PARN: variants seen among roughly 807,000 people sequenced by gnomAD.
The protein encoded by PARN is poly(A)-specific ribonuclease PARN.
In PARN, 71 loss-of-function variants were observed where a neutral mutation model predicts 102.8. The ratio of observed to expected loss-of-function variants is 0.69; its 90% confidence interval spans 0.57 to 0.84. PARN has a LOEUF of 0.84. Ranked by LOEUF, PARN falls within the 40% of genes least tolerant of loss-of-function variation. The pLI, the probability that PARN is intolerant of heterozygous loss-of-function variation, is 0.00. For missense variants in PARN, 782 were observed against 760.9 expected, an observed-to-expected ratio of 1.03 and a Z score of -0.33; for synonymous variants, 261 against 252.9, an observed-to-expected ratio of 1.03 and a Z score of -0.30.
At chr16:14,599,556 G>C (rs1002211967) in intron 12 of PARN, among the ~76,000 whole-genome samples, 2 of 152,114 alleles carry the variant, frequency 1.3e-5, no homozygotes, top group African/African-American at 4.8e-5. Context: ...AACACCTTCA[G>C]TCAAATATCT....
At chr16:14,606,557 A>G (rs749755100) in intron 9 of PARN, 31 bp from the exon 10 acceptor site, 2 of 1,281,398 alleles carry the variant, frequency 1.6e-6, no homozygotes, top group South Asian at 1.3e-5. Flanking sequence ...GTATCAGTAG[A>G]TGAGTCAATG....
chr16:14,579,118 C>G (rs1285359879), intron 18 of PARN, among the ~76,000 whole-genome samples: 1 of 152,040 alleles, frequency 6.6e-6, no homozygotes, highest in African/African-American at 2.4e-5. Flanking sequence ...TCCCGAGTAG[C>G]TGGGAATACA....
chr16:14,553,474 T>C (rs1224029114), intron 20 of PARN, among the ~76,000 whole-genome samples: 1 of 152,228 alleles, frequency 6.6e-6, no homozygotes, highest in Non-Finnish European at 1.5e-5. Context: ...TTTGTGGCCT[T>C]CACTTTATCC....
intron 22 of PARN, among the ~76,000 whole-genome samples, chr16:14,451,026 A>G (rs1012896148): frequency 6.6e-6 from 1 of 152,230 alleles, no homozygotes; most frequent in African/African-American, 2.4e-5. Context: ...CACAGCATCC[A>G]GGATCCTCTA....
At position 14,546,013 on chromosome 16, in the gene PARN, A is replaced by G. The variant is rs376170267; in HGVS notation, c.1480+6008T>C. ...AGACAATATCAAACAATACAGAGAA[A>G]CGAACACAGCCAAAAGCGTTCTTGA... On this transcript the variant is annotated intron_variant, in intron 21 of 23. Coordinates refer to ENST00000437198, the MANE Select transcript of PARN (RefSeq NM_002582.4). Among the ~76,000 whole-genome samples the G allele has an allele frequency of 6.6e-5, 10 of 152,342 alleles. 1 individual carries two copies. In the East Asian group the frequency reaches 1.9e-3, roughly 29 times the overall value.
At chr16:14,553,256 T>TAAAAAA (rs58411352) in intron 20 of PARN, among the ~76,000 whole-genome samples, 2 of 117,464 alleles carry the variant, frequency 1.7e-5, no homozygotes, top group African/African-American at 6.7e-5. Context: ...TATTTCTATT[T>TAAAAAA]AAAAAAAAAA....
chr16:14,561,501 GAT>G (rs1488958554), intron 18 of PARN, among the ~76,000 whole-genome samples: 1 of 152,220 alleles, frequency 6.6e-6, no homozygotes, highest in Non-Finnish European at 1.5e-5. Flanking sequence ...TTCTCCAAAA[GAT>G]ATTAGTCTTA....
chr16:14,438,451 G>GGGGT (rs1555475684), intron 23 of PARN, among the ~76,000 whole-genome samples: 3 of 148,952 alleles, frequency 2.0e-5, no homozygotes, highest in Non-Finnish European at 4.5e-5. Flanking sequence ...TGGGGGGGGG[G>GGGGT]GTGTGTGAGT....
At chr16:14,463,953 C>A (rs1299785617) in intron 22 of PARN, among the ~76,000 whole-genome samples, 1 of 151,874 alleles carries the variant, frequency 6.6e-6, no homozygotes, top group Non-Finnish European at 1.5e-5. Flanking sequence ...CCCACTTCAG[C>A]CACCCTAGTA....
At chr16:14,516,165 T>C (rs901288625) in intron 21 of PARN, among the ~76,000 whole-genome samples, 6 of 150,822 alleles carry the variant, frequency 4.0e-5, no homozygotes, top group African/African-American at 1.5e-4. Flanking sequence ...GATAAAAAAT[T>C]TTAAAACCAA....
At chr16:14,512,328 C>T (rs1202045280) in intron 21 of PARN, among the ~76,000 whole-genome samples, 1 of 152,056 alleles carries the variant, frequency 6.6e-6, no homozygotes, top group Non-Finnish European at 1.5e-5. Flanking sequence ...ATGCTGAAAC[C>T]CTGTCTCTAC....
At chr16:14,537,839 G>A (rs1423422557) in intron 21 of PARN, among the ~76,000 whole-genome samples, 1 of 152,168 alleles carries the variant, frequency 6.6e-6, no homozygotes, top group East Asian at 1.9e-4. Flanking sequence ...AGTGAGATAA[G>A]AGGAATGTGT....
At chr16:14,627,001 T>C in intron 5 of PARN, 105 bp downstream of exon 5, 1 of 690,540 alleles carries the variant, frequency 1.4e-6, no homozygotes, top group East Asian at 2.7e-5. Context: ...GGTGAAATGA[T>C]TTGCCCCAAA....
At chr16:14,447,552 C>T (rs1247087160) in intron 22 of PARN, among the ~76,000 whole-genome samples, 4 of 152,232 alleles carry the variant, frequency 2.6e-5, no homozygotes, top group Admixed American at 2.0e-4. Context: ...AAAACTTGGA[C>T]ATAGCTACAG....
chr16:14,520,134 G>A (rs923007716), intron 21 of PARN, among the ~76,000 whole-genome samples: 1 of 152,272 alleles, frequency 6.6e-6, no homozygotes, highest in South Asian at 2.1e-4. Flanking sequence ...GGTGGGGAGT[G>A]GATACAATCA....
intron 21 of PARN, among the ~76,000 whole-genome samples, chr16:14,486,371 G>GA (rs1963694310): frequency 6.6e-6 from 1 of 152,184 alleles, no homozygotes; most frequent in African/African-American, 2.4e-5. Flanking sequence ...ACCCTATCTC[G>GA]AAAAAAATCC....
intron 21 of PARN, among the ~76,000 whole-genome samples, chr16:14,489,380 G>C (rs1368688823): frequency 6.6e-6 from 1 of 150,524 alleles, no homozygotes; most frequent in Non-Finnish European, 1.5e-5. Context: ...GTGAGGCAGA[G>C]GTTGCAGTGA....
chr16:14,506,640 G>A (rs974582845), intron 21 of PARN, among the ~76,000 whole-genome samples: 1 of 152,186 alleles, frequency 6.6e-6, no homozygotes, highest in African/African-American at 2.4e-5. Flanking sequence ...CAGAGAGGGA[G>A]ACAGAGCAAA....
chr16:14,530,890 G>T (rs1185221524), intron 21 of PARN, among the ~76,000 whole-genome samples: 1 of 152,194 alleles, frequency 6.6e-6, no homozygotes, highest in African/African-American at 2.4e-5. Flanking sequence ...AGTCTACTGG[G>T]TGGGACAGAC....
Sources: gnomAD v4.1 joint callset for allele counts (sites outside exome capture counted in the v4.1 genomes callset) on GRCh38, gnomAD v4.1.1 for gene constraint, MANE v1.5 for transcripts, NCBI Gene and HGNC (gene_info 2026-07-23, HGNC 2026-07-21) for gene names.